Variants in SLC30A5 observed in about 807,000 individuals in gnomAD.
SLC30A5 encodes the protein solute carrier family 30 member 5, also known as proton-coupled zinc antiporter SLC30A5.
In SLC30A5, 33 loss-of-function variants were observed where a neutral mutation model predicts 79.6. The ratio of observed to expected loss-of-function variants is 0.41; its 90% CI spans 0.31 to 0.55. The LOEUF (loss-of-function observed/expected upper bound fraction) is 0.55. SLC30A5 is among the 20% of genes least tolerant of loss of function. The pLI, the probability that SLC30A5 is intolerant of heterozygous loss-of-function variation, is 0.20. For missense variants in SLC30A5, 788 were observed against 928.1 expected (o/e 0.85, Z 1.96); for synonymous variants, 299 against 319.7 (o/e 0.94, Z 0.69).
intron 14 of SLC30A5, among the ~76,000 whole-genome samples, chr5:69,126,333 A>G (rs1211357850): frequency 6.6e-6 from 1 of 152,122 alleles, no homozygotes; most frequent in Non-Finnish European, 1.5e-5. Context: ...TTGTTTTTAA[A>G]TAGAGCTGGG....
chr5:69,117,876 CAA>C (rs1213773161), intron 11 of SLC30A5, among the ~76,000 whole-genome samples: 2 of 130,384 alleles, frequency 1.5e-5, no homozygotes, highest in Non-Finnish European at 3.3e-5. Flanking sequence ...GACTATGTCT[CAA>C]AAAAAAAAAA....
intron 1 of SLC30A5, among the ~76,000 whole-genome samples, chr5:69,100,229 A>G (rs949716032): frequency 2.6e-5 from 4 of 151,970 alleles, no homozygotes; most frequent in Non-Finnish European, 5.9e-5. Context: ...CAGCCTCCCA[A>G]AGTGCTGGGA....
At chr5:69,099,533 G>A (rs1745848317) in intron 1 of SLC30A5, among the ~76,000 whole-genome samples, 1 of 152,180 alleles carries the variant, frequency 6.6e-6, no homozygotes, top group South Asian at 2.1e-4. Context: ...TGCTGGGTGG[G>A]AACCTGGGGA....
In SLC30A5 at chr5:69,108,436, G is replaced by C; in HGVS notation, c.447G>C (p.Lys149Asn). ...LFTSSGGGPAKTRGAAFFIIA... is the reference protein window; with the variant it reads ...LFTSSGGGPANTRGAAFFIIA... ...CCAGTTCTGGAGGAGGACCAGCAAA[G>C]GTAGAATTTTCCATTATCAGTTACT... Residue 149 changes from lysine to asparagine, a missense_variant and splice_region_variant, in exon 5 of 16, where the codon AAG (lysine) becomes AAC (asparagine). This residue lies in a region of SLC30A5 where 626 missense variants were observed against 755.5 expected (regional missense o/e 0.83). Coordinates refer to ENST00000396591, the MANE Select transcript of SLC30A5 (RefSeq NM_022902.5). The C allele has an allele frequency of 1.2e-6, 2 of 1,607,676 alleles. No homozygotes were observed. The highest frequency in any genetic ancestry group is 2.2e-5 in the East Asian group (1 of 44,840).
At chr5:69,127,906 C>A (rs1746745767) in intron 14 of SLC30A5, 98 bp from the exon 15 acceptor site, 6 of 1,028,462 alleles carry the variant, frequency 5.8e-6, no homozygotes, top group Non-Finnish European at 8.6e-6. Context: ...GATCCTGGAC[C>A]AAGGAATCTG....
At chr5:69,094,369 G>A (rs1245842565) in intron 1 of SLC30A5, 31 bp downstream of exon 1, 4 of 1,244,250 alleles carry the variant, frequency 3.2e-6, no homozygotes, top group East Asian at 6.3e-5. Flanking sequence ...GCAGCGACCG[G>A]CCGGGTCGCT....
At chr5:69,118,389 T>A in intron 11 of SLC30A5, 110 bp from the exon 12 acceptor site, 1 of 657,566 alleles carries the variant, frequency 1.5e-6, no homozygotes, top group South Asian at 2.3e-5. Context: ...AATTTTCTAT[T>A]ATTAATTACT....
chr5:69,113,462 G>A (rs1285213502), intron 6 of SLC30A5, among the ~76,000 whole-genome samples: 1 of 151,844 alleles, frequency 6.6e-6, no homozygotes, highest in Non-Finnish European at 1.5e-5. Context: ...GAAATGTAGG[G>A]ACATTGAAAG....
At chr5:69,102,050 C>CTTTTT (rs758327246) in intron 2 of SLC30A5, among the ~76,000 whole-genome samples, 9 of 99,398 alleles carry the variant, frequency 9.1e-5, no homozygotes, top group Non-Finnish European at 1.1e-4. Context: ...CAGTGACGTG[C>CTTTTT]TTTTTTTTTT....
At chr5:69,118,016 A>C (rs1280748478) in intron 11 of SLC30A5, among the ~76,000 whole-genome samples, 1 of 151,214 alleles carries the variant, frequency 6.6e-6, no homozygotes, top group African/African-American at 2.4e-5. Flanking sequence ...TCTACTAAAA[A>C]TACAAAAAAA....
chr5:69,113,121 T>C lies in SLC30A5; in HGVS notation c.448-19T>C. 1 of 1,600,630 alleles carries C rather than the reference T, an allele frequency of 6.2e-7. No homozygotes were observed. The highest frequency in any genetic ancestry group is 8.5e-7 in the Non-Finnish European group (1 of 1,170,644). On this transcript the variant is annotated intron_variant, in intron 5 of 15. Transcript: ENST00000396591. ...ACCCTTGAAAAAGTCATCCTTGATG[T>C]TGTTTTCTTTATTTTCAGACAAGGG...
chr5:69,110,330 T>G (rs1366932941), intron 5 of SLC30A5, among the ~76,000 whole-genome samples: 1 of 152,126 alleles, frequency 6.6e-6, no homozygotes, highest in Non-Finnish European at 1.5e-5. Context: ...AAAGGATAGA[T>G]AAAGACAAAT....
At chr5:69,094,392 TCTCCGGCCTCC>T (rs1745657229) in intron 1 of SLC30A5, 54 bp downstream of exon 1, 2 of 1,240,810 alleles carry the variant, frequency 1.6e-6, no homozygotes, top group Non-Finnish European at 2.0e-6. Context: ...GGATGCACTT[TCTCCGGCCTCC>T]CTCCGGTCTC....
At chr5:69,127,890 A>T in intron 14 of SLC30A5, 114 bp from the exon 15 acceptor site, 2 of 850,292 alleles carry the variant, frequency 2.4e-6, no homozygotes, top group Non-Finnish European at 3.7e-6. Context: ...TAAAGAGCTT[A>T]ATAGTGATCC....
At chr5:69,100,362 G>A (rs190516477) in intron 1 of SLC30A5, among the ~76,000 whole-genome samples, 20 of 152,204 alleles carry the variant, frequency 1.3e-4, no homozygotes, top group African/African-American at 4.3e-4. Flanking sequence ...TTAGCCTCCC[G>A]AGTGGCTGAG....
chr5:69,114,962 C>T (rs890295953), intron 7 of SLC30A5, among the ~76,000 whole-genome samples: 1 of 151,810 alleles, frequency 6.6e-6, no homozygotes, highest in African/African-American at 2.4e-5. Flanking sequence ...ATACTAGTTC[C>T]ATTTCCTTAA....
chr5:69,128,584 A>G (rs1358557649), intron 15 of SLC30A5, among the ~76,000 whole-genome samples: 3 of 152,110 alleles, frequency 2.0e-5, no homozygotes, highest in African/African-American at 7.2e-5. Context: ...CTGTAACGGT[A>G]ATATAGCTTA....
At chr5:69,103,267 T>C in intron 3 of SLC30A5, 139 bp downstream of exon 3, 1 of 568,976 alleles carries the variant, frequency 1.8e-6, no homozygotes, top group Admixed American at 2.9e-5. Context: ...CTTGCTCTTG[T>C]CTTTTCAGAA....
intron 6 of SLC30A5, among the ~76,000 whole-genome samples, chr5:69,113,788 C>T (rs1437238818): frequency 6.6e-6 from 1 of 152,190 alleles, no homozygotes; most frequent in African/African-American, 2.4e-5. Flanking sequence ...TCCAGCAGAA[C>T]TCCAAGCACC....
Sources: gnomAD v4.1 joint callset for allele counts (sites outside exome capture counted in the v4.1 genomes callset) on GRCh38, gnomAD v4.1.1 for gene constraint, gnomAD v4.1.1 regional missense constraint, MANE v1.5 for transcripts, NCBI Gene and HGNC (gene_info 2026-07-23, HGNC 2026-07-21) for gene names.